PTPRN2: variants seen among roughly 807,000 people sequenced by gnomAD.
PTPRN2 encodes the protein receptor-type tyrosine-protein phosphatase N2.
A neutral mutation model predicts 118.8 loss-of-function variants in PTPRN2; 74 were observed. The observed-to-expected ratio is 0.62, with a 90% CI of 0.52 to 0.76. PTPRN2 has a LOEUF of 0.76. Ranked by LOEUF, PTPRN2 falls within the 30% of genes least tolerant of loss-of-function variation. The probability of loss-of-function intolerance (pLI) is 0.00; values close to 1 mark genes in which losing one functional copy is unlikely to be tolerated. For missense variants in PTPRN2, 1,481 were observed against 1,394.4 expected, an observed-to-expected ratio of 1.06 and a Z score of -0.99; for synonymous variants, 641 against 608.0, an observed-to-expected ratio of 1.05 and a Z score of -0.80.
Position 157,682,800 on chromosome 7 carries a change from G to C in PTPRN2, c.1926C>G (p.Ser642Arg), listed in dbSNP as rs1385152251. ...GCTTCTCCTTCAGCCTGTGCTGAGA[G>C]CTATGGCGGAGGCAGTAGATGAGGC... Reference protein sequence around the residue: ...ASGLIYCLRHSSQHRLKEKLS... With the variant: ...ASGLIYCLRHRSQHRLKEKLS... The change falls in exon 13 of 23, where the codon AGC becomes AGG. Residue 642 changes from serine to arginine, a missense_variant. This residue lies in a region of PTPRN2 where 1,115 missense variants were observed against 994.2 expected (regional missense o/e 1.12). Coordinates refer to ENST00000389418, the MANE Select transcript of PTPRN2 (RefSeq NM_002847.5). 1 of 1,614,038 alleles carries C rather than the reference G, an allele frequency of 6.2e-7. No homozygotes were observed. The highest frequency in any genetic ancestry group is 8.5e-7 in the Non-Finnish European group (1 of 1,180,058).
chr7:158,413,924 G>A (rs1814411015), intron 2 of PTPRN2, among the ~76,000 whole-genome samples: 1 of 152,190 alleles, frequency 6.6e-6, no homozygotes, highest in Non-Finnish European at 1.5e-5. Flanking sequence ...TGAATTACCT[G>A]AGGTCAGGAG....
intron 2 of PTPRN2, among the ~76,000 whole-genome samples, chr7:158,466,349 C>T (rs1182177134): frequency 6.6e-6 from 1 of 152,144 alleles, no homozygotes; most frequent in Non-Finnish European, 1.5e-5. Flanking sequence ...ACCAGCTTTC[C>T]ACTCTCTGTT....
intron 2 of PTPRN2, among the ~76,000 whole-genome samples, chr7:158,325,115 C>T (rs1803384804): frequency 1.3e-5 from 2 of 151,246 alleles, no homozygotes; most frequent in African/African-American, 2.4e-5. Context: ...CAGAGATCCA[C>T]AGGGGGTCCT....
At chr7:157,788,522 G>A (rs950542555) in intron 12 of PTPRN2, among the ~76,000 whole-genome samples, 4 of 152,134 alleles carry the variant, frequency 2.6e-5, no homozygotes, top group Non-Finnish European at 5.9e-5. Context: ...AGGCCTCCAC[G>A]GGGCTGGAGC....
rs552601969 is a variant in PTPRN2 at position 158,542,542 on chromosome 7, G to A, written c.112+45016C>T. On this transcript the variant is annotated intron_variant, in intron 1 of 22. Transcript: ENST00000389418. ...CAGTTATGGGAAAGAAGGAACCAAA[G>A]CGCAGAAGGGATGTGCCCAGCGCCA... is the stretch of plus-strand genomic sequence containing the variant. Among the ~76,000 whole-genome samples, 8 of 152,336 alleles carry A rather than the reference G, an allele frequency of 5.3e-5. No individual in the cohort carries two copies. In the East Asian group the frequency reaches 9.7e-4, roughly 18 times the overall value.
Position 158,568,365 on chromosome 7 carries a change from A to C in PTPRN2, c.112+19193T>G, listed in dbSNP as rs1827783491. Among the ~76,000 whole-genome samples, 2 of 152,182 alleles carry C rather than the reference A, an allele frequency of 1.3e-5. 1 individual carries two copies. Among genetic ancestry groups the C allele is most frequent in the South Asian group, 4.1e-4 (2 of 4,826 alleles). Reference sequence around the variant, plus strand: ...GAAAGGAGATGAACCGCCCAAGCTCACACACAATATAGCGAAGCCAAACTT... The same window carrying C: ...GAAAGGAGATGAACCGCCCAAGCTCCCACACAATATAGCGAAGCCAAACTT... On this transcript the variant is annotated intron_variant, in intron 1 of 22. Transcript: ENST00000389418.
rs528883538 is a variant in PTPRN2 at position 157,897,892 on chromosome 7, C to T, written c.1788+781G>A. On this transcript the variant is annotated intron_variant, in intron 12 of 22. Transcript: ENST00000389418. ...GCGAGCGCTGTGAAACCCGAAATCT[C>T]GAACGCGGGAGCGCAGATTGGCTTC... 2.0e-5 allele frequency among the ~76,000 whole-genome samples: 3 copies of T among 152,420 alleles called. No homozygotes were observed. The East Asian group carries it at 5.8e-4, about 29-fold the overall frequency.
intron 10 of PTPRN2, among the ~76,000 whole-genome samples, chr7:158,085,259 G>T (rs1372046502): frequency 1.8e-5 from 2 of 109,424 alleles, no homozygotes; most frequent in Non-Finnish European, 3.6e-5. Context: ...CCACACCCAT[G>T]ACACCCATCC....
At position 157,631,937 on chromosome 7, in the gene PTPRN2, C is replaced by A. The variant is rs368188789; in HGVS notation, c.2197-10428G>T. Among the ~76,000 whole-genome samples, 281 of 151,904 alleles carry A rather than the reference C, an allele frequency of 1.8e-3. 1 individual carries two copies. Among genetic ancestry groups the A allele is most frequent in the African/African-American group, 6.3e-3 (262 of 41,414 alleles). On this transcript the variant is annotated intron_variant, in intron 14 of 22. Transcript: ENST00000389418. ...CTGTTAGAAAAACACTGTAAGAGGA[C>A]AGATTCCTTGCCTCTAATAGAGGCA...
Position 158,525,895 on chromosome 7 carries a change from T to C in PTPRN2, c.113-36110A>G, listed in dbSNP as rs1342214317. ...CGCCTCCCCTCACAGACCTCAGACC[T>C]GTCCCAGAGCCCTGACAGGAAGACC... On this transcript the variant is annotated intron_variant, in intron 1 of 22. Transcript: ENST00000389418. This position sits in a 1 kb window ranked among gnomAD's most constrained non-coding sequence, Gnocchi z 4.1. Among the ~76,000 whole-genome samples, 3 of 152,160 alleles carry C rather than the reference T, an allele frequency of 2.0e-5. No individual in the cohort carries two copies. Among genetic ancestry groups the C allele is most frequent in the Non-Finnish European group, 4.4e-5 (3 of 68,034 alleles).
At chr7:158,337,965 C>T (rs371319475) in intron 2 of PTPRN2, among the ~76,000 whole-genome samples, 4 of 48,182 alleles carry the variant, frequency 8.3e-5, no homozygotes, top group Admixed American at 5.4e-4. Flanking sequence ...TAAGAGCTGA[C>T]GCCCGCAGAC....
At chr7:158,072,934 G>T (rs1812052619) in intron 11 of PTPRN2, among the ~76,000 whole-genome samples, 1 of 152,198 alleles carries the variant, frequency 6.6e-6, no homozygotes, top group African/African-American at 2.4e-5. Flanking sequence ...GTCCCAAGGG[G>T]CCCATAGGTA....
chr7:157,915,183 A>T (rs1798326242), intron 11 of PTPRN2, among the ~76,000 whole-genome samples: 4 of 152,162 alleles, frequency 2.6e-5, no homozygotes, highest in East Asian at 1.9e-4. Context: ...GGTATGTTTT[A>T]AAATTTTTTA....
rs1001461 is a variant in PTPRN2, at chr7:157,975,085, G to A, written c.1724-76348C>T. 9.3e-3 allele frequency among the ~76,000 whole-genome samples: 1,408 copies of A among 152,190 alleles called. 19 individuals carry two copies. Among genetic ancestry groups the A allele is most frequent in the African/African-American group, 0.031 (1,274 of 41,502 alleles). On this transcript the variant is annotated intron_variant, in intron 11 of 22. Transcript: ENST00000389418. The stretch of plus-strand genomic sequence containing the variant: ...CGGACCCTGCCTCCATCAGCAGGGT[G>A]CAGCCCAGGCCCAGCACATTCTCCT...
intron 10 of PTPRN2, among the ~76,000 whole-genome samples, chr7:158,083,122 C>T (rs1812968126): frequency 6.6e-6 from 1 of 152,102 alleles, no homozygotes; most frequent in African/African-American, 2.4e-5. Context: ...CCAGAAGGGC[C>T]CTGAGTGCCT....
chr7:158,331,757 TCA>T (rs1487472360), intron 2 of PTPRN2, among the ~76,000 whole-genome samples: 3 of 119,858 alleles, frequency 2.5e-5, no homozygotes, highest in South Asian at 2.7e-4. Flanking sequence ...TCACTCAAAC[TCA>T]CACTCTCACC....
At chr7:157,915,922 C>T (rs1426609342) in intron 11 of PTPRN2, among the ~76,000 whole-genome samples, 1 of 152,224 alleles carries the variant, frequency 6.6e-6, no homozygotes, top group Non-Finnish European at 1.5e-5. Context: ...GGAACTCCCA[C>T]ATCTCCTAAG....
chr7:157,576,662 A>G lies in PTPRN2; in HGVS notation c.2734T>C (p.Tyr912His). The G allele has an allele frequency of 3.1e-6, 5 of 1,612,678 alleles. No individual in the cohort carries two copies. The South Asian group carries it at 4.4e-5, about 14-fold the overall frequency. The change falls in exon 19 of 23, where the codon TAT becomes CAT. Residue 912 changes from tyrosine (Y) to histidine (H), a missense_variant. This residue lies in a region of PTPRN2 where 362 missense variants were observed against 384.1 expected (regional missense o/e 0.94). Transcript: ENST00000389418. ...TVTQFHFLSW[Y>H]DRGVPSSSRS... The stretch of plus-strand genomic sequence containing the variant: ...GAGGAGGAAGGGACTCCTCGGTCAT[A>G]CCAACTCAGGAAGTGGAACTGCGTC...
chr7:157,799,686 T>C (rs182112890), intron 12 of PTPRN2, among the ~76,000 whole-genome samples: 1 of 152,104 alleles, frequency 6.6e-6, no homozygotes, highest in Non-Finnish European at 1.5e-5. Flanking sequence ...CCTCTGGAAA[T>C]GTCTGCTGGC....
Sources: allele counts gnomAD v4.1 joint callset (sites outside exome capture counted in the v4.1 genomes callset), GRCh38; gene constraint gnomAD v4.1.1; regional missense constraint gnomAD v4.1.1; non-coding constraint Gnocchi (gnomAD v3.1); transcripts MANE v1.5; gene names NCBI Gene and HGNC (gene_info 2026-07-23, HGNC 2026-07-21).